CCSER2: variants seen among roughly 807,000 people sequenced by gnomAD.
The protein encoded by CCSER2 is serine-rich coiled-coil domain-containing protein 2.
Under a neutral mutation model 92.3 loss-of-function variants are expected in CCSER2, and 46 were observed. The ratio of observed to expected loss-of-function variants is 0.50; its 90% confidence interval spans 0.39 to 0.64. CCSER2 has a LOEUF of 0.64. CCSER2 is among the 30% of genes least tolerant of loss of function. The pLI is 0.00. For missense variants in CCSER2, 1,244 were observed against 1,238.9 expected (o/e 1.00, Z -0.06); for synonymous variants, 433 against 431.4 (o/e 1.00, Z -0.04).
chr10:84,416,412 A>G (rs1268890607), intron 3 of CCSER2, among the ~76,000 whole-genome samples: 1 of 152,136 alleles, frequency 6.6e-6, no homozygotes, highest in Non-Finnish European at 1.5e-5. Context: ...TGTTTGCTTT[A>G]AATGTGTACA....
intron 3 of CCSER2, among the ~76,000 whole-genome samples, chr10:84,382,269 T>C (rs1447304900): frequency 6.6e-6 from 1 of 152,212 alleles, no homozygotes; most frequent in Non-Finnish European, 1.5e-5. Context: ...TCCTCATCTT[T>C]TATATTAGTC....
In CCSER2 at chr10:84,477,636, A is replaced by G. The variant is rs1218691901; in HGVS notation, c.2297A>G (p.Tyr766Cys). Residue 766 changes from tyrosine (Y) to cysteine (C), a missense_variant, in exon 9 of 10, where the codon TAT becomes TGT. Physicochemically the swap from Tyr to Cys is radical, Grantham distance 194. Transcript: ENST00000372088. ...KEEKCTYADK[Y>C]TQTPWRRIPP... Reference sequence around the variant, plus strand: ...GAAAAATGCACTTATGCTGATAAATATACCCAAACACCCTGGAGACGAATT... The same window carrying G: ...GAAAAATGCACTTATGCTGATAAATGTACCCAAACACCCTGGAGACGAATT... 2.9e-5 allele frequency: 46 copies of G among 1,609,674 alleles called. No individual in the cohort carries two copies. The highest frequency in any genetic ancestry group is 5.3e-5 in the African/African-American group (4 of 74,822).
rs1367166636 is a variant in CCSER2, at chr10:84,373,806, G to A, written c.1605G>A (p.Met535Ile). ...HPVGSYESSE[M>I]NSIDILNNLE... The stretch of plus-strand genomic sequence containing the variant: ...TTGGGAGCTATGAGTCCTCTGAAAT[G>A]AACAGCATAGTATGTATGGATTTAT... Residue 535 changes from methionine to isoleucine, a missense_variant, in exon 3 of 10, where the codon ATG becomes ATA. Physicochemically the swap from Met to Ile is conservative, Grantham distance 10. Transcript: ENST00000372088. The A allele has an allele frequency of 6.2e-7, 1 of 1,613,654 alleles. No homozygotes were observed. The highest frequency in any genetic ancestry group is 1.7e-5 in the Admixed American group (1 of 59,974).
chr10:84,417,491 G>A (rs1251541312), intron 3 of CCSER2, among the ~76,000 whole-genome samples: 1 of 152,104 alleles, frequency 6.6e-6, no homozygotes, highest in Non-Finnish European at 1.5e-5. Flanking sequence ...TTTTACCAGG[G>A]AAGATGTTAA....
At chr10:84,455,971 G>C (rs1845592318) in intron 6 of CCSER2, 2 of 623,926 alleles carry the variant, frequency 3.2e-6, no homozygotes, top group Non-Finnish European at 6.2e-6. Flanking sequence ...TCACCTGTAA[G>C]GGCATCACGT....
In CCSER2 at chr10:84,371,602, A is replaced by G. The variant is rs1442162372; in HGVS notation, c.550A>G (p.Ser184Gly). ...NGFYGNRSAGSMQRPRANSCA... is the reference protein window; with the variant it reads ...NGFYGNRSAGGMQRPRANSCA... Reference sequence around the variant, plus strand: ...ATTTTATGGAAACCGATCAGCTGGTAGCATGCAAAGGCCTAGAGCGAACTC... The same window carrying G: ...ATTTTATGGAAACCGATCAGCTGGTGGCATGCAAAGGCCTAGAGCGAACTC... The change falls in exon 2 of 10, where the codon AGC becomes GGC. Residue 184 changes from serine to glycine, a missense_variant. Coordinates refer to ENST00000372088, the MANE Select transcript of CCSER2 (RefSeq NM_001284240.2). The G allele has an allele frequency of 5.0e-6, 8 of 1,613,374 alleles. No individual in the cohort carries two copies. The highest frequency in any genetic ancestry group is 6.8e-6 in the Non-Finnish European group (8 of 1,179,492).
chr10:84,431,270 C>T (rs1193289043), intron 5 of CCSER2, among the ~76,000 whole-genome samples: 1 of 152,150 alleles, frequency 6.6e-6, no homozygotes, highest in Non-Finnish European at 1.5e-5. Flanking sequence ...ATTCATCCCT[C>T]CCTTCTTTTC....
At chr10:84,437,147 A>T (rs1844209306) in intron 5 of CCSER2, among the ~76,000 whole-genome samples, 1 of 98,230 alleles carries the variant, frequency 1.0e-5, no homozygotes, top group South Asian at 4.3e-4. Context: ...ACACACACAC[A>T]CACAGAGAGA....
At chr10:84,345,668 T>G (rs963191827) in intron 1 of CCSER2, among the ~76,000 whole-genome samples, 1 of 152,228 alleles carries the variant, frequency 6.6e-6, no homozygotes, top group East Asian at 1.9e-4. Flanking sequence ...AGGTCTAGAT[T>G]ATGACATGTT....
At chr10:84,376,829 A>G (rs143054893) in intron 3 of CCSER2, among the ~76,000 whole-genome samples, 1 of 151,884 alleles carries the variant, frequency 6.6e-6, no homozygotes, top group African/African-American at 2.4e-5. Flanking sequence ...CGGAAAATTC[A>G]CCTTCTTGTC....
At chr10:84,460,306 G>A (rs1483760120) in intron 6 of CCSER2, among the ~76,000 whole-genome samples, 1 of 140,506 alleles carries the variant, frequency 7.1e-6, no homozygotes, top group African/African-American at 2.7e-5. Context: ...GTTTCGCCAT[G>A]TTGGCCAGGC....
intron 9 of CCSER2, among the ~76,000 whole-genome samples, chr10:84,512,281 CTTA>C (rs1849388766): frequency 6.6e-6 from 1 of 151,990 alleles, no homozygotes; most frequent in Admixed American, 6.6e-5. Flanking sequence ...GCAAAAAAAA[CTTA>C]TTAGTGAGAA....
intron 9 of CCSER2, among the ~76,000 whole-genome samples, chr10:84,486,322 A>G (rs1417686938): frequency 3.3e-5 from 5 of 152,186 alleles, no homozygotes; most frequent in Admixed American, 1.3e-4. Flanking sequence ...TCACTACACT[A>G]TCTTCCACAA....
chr10:84,335,431 A>C (rs893131318), intron 1 of CCSER2, among the ~76,000 whole-genome samples: 2 of 151,470 alleles, frequency 1.3e-5, no homozygotes, highest in Admixed American at 6.6e-5. Flanking sequence ...TTCCATAGAG[A>C]CAGGGTCTCC....
chr10:84,510,703 G>A (rs1408690094), intron 9 of CCSER2, among the ~76,000 whole-genome samples: 2 of 152,146 alleles, frequency 1.3e-5, no homozygotes, highest in Non-Finnish European at 2.9e-5. Context: ...TAGTATTTGG[G>A]GAAATTGTAG....
At chr10:84,420,964 A>C (rs909165516) in intron 4 of CCSER2, among the ~76,000 whole-genome samples, 1 of 150,076 alleles carries the variant, frequency 6.7e-6, no homozygotes, top group Non-Finnish European at 1.5e-5. Context: ...TAGATTGGTC[A>C]CTATGAACTA....
chr10:84,429,655 T>C (rs1843653811), intron 5 of CCSER2, among the ~76,000 whole-genome samples: 1 of 149,222 alleles, frequency 6.7e-6, no homozygotes, highest in South Asian at 2.2e-4. Flanking sequence ...TTTTCACTTT[T>C]TCTTTGGCTT....
chr10:84,475,899 C>T (rs551016107), intron 8 of CCSER2, among the ~76,000 whole-genome samples: 1 of 149,502 alleles, frequency 6.7e-6, no homozygotes, highest in South Asian at 2.2e-4. Context: ...GTGGTGCAAT[C>T]TCAGCACACT....
Position 84,444,408 on chromosome 10 carries a change from G to T in CCSER2, c.2064+5701G>T, listed in dbSNP as rs570158586. Among the ~76,000 whole-genome samples, 43 of 152,272 alleles carry T rather than the reference G, an allele frequency of 2.8e-4. No homozygotes were observed. The South Asian group carries it at 8.9e-3, about 32-fold the overall frequency. ...TCCATTCAAATTTTAGGCTAAAGTC[G>T]TTAAATTTATTTGGACATTCTTCTA... is the stretch of plus-strand genomic sequence containing the variant. On this transcript the variant is annotated intron_variant, in intron 6 of 9. Transcript: ENST00000372088.
Sources: allele counts gnomAD v4.1 joint callset (sites outside exome capture counted in the v4.1 genomes callset), GRCh38; gene constraint gnomAD v4.1.1; transcripts MANE v1.5; gene names NCBI Gene and HGNC (gene_info 2026-07-23, HGNC 2026-07-21).